The following WDR70 variants were observed in gnomAD, a reference collection of about 807,000 sequenced individuals.
WDR70 encodes the protein WD repeat domain 70.
WDR70 carries 53 observed loss-of-function variants against 88.6 expected under a neutral mutation model. The ratio of observed to expected loss-of-function variants is 0.60; its 90% CI spans 0.48 to 0.75. The LOEUF is 0.75. Among genes scored for constraint, WDR70 ranks in the 30% least tolerant of loss-of-function variants. The pLI is 0.00. For synonymous variants in WDR70, 280 were observed against 270.0 expected, an observed-to-expected ratio of 1.04 and a Z score of -0.36; for missense variants, 610 against 823.2, an observed-to-expected ratio of 0.74 and a Z score of 3.17.
At chr5:37,646,801 G>A (rs1007269515) in intron 10 of WDR70, among the ~76,000 whole-genome samples, 68 of 151,874 alleles carry the variant, frequency 4.5e-4, no homozygotes, top group African/African-American at 1.5e-3. Context: ...CTCTTTATCC[G>A]TGACCTTTGG....
intron 17 of WDR70, among the ~76,000 whole-genome samples, chr5:37,740,672 G>T (rs1748447481): frequency 6.6e-6 from 1 of 152,266 alleles, no homozygotes; most frequent in Middle Eastern, 3.4e-3. Flanking sequence ...TTAAGGATGG[G>T]CCTGAGAGTG....
At chr5:37,408,149 A>T (rs1296852884) in intron 5 of WDR70, among the ~76,000 whole-genome samples, 1 of 152,078 alleles carries the variant, frequency 6.6e-6, no homozygotes, top group Non-Finnish European at 1.5e-5. Context: ...AGCTGTAGCC[A>T]TTAATTTTGC....
chr5:37,685,995 C>A (rs1746580783), intron 10 of WDR70, among the ~76,000 whole-genome samples: 1 of 152,170 alleles, frequency 6.6e-6, no homozygotes. Flanking sequence ...CATCCTGGTT[C>A]CTTGGTGGCA....
intron 9 of WDR70, among the ~76,000 whole-genome samples, chr5:37,597,920 G>T (rs1203152560): frequency 6.6e-6 from 1 of 152,182 alleles, no homozygotes; most frequent in East Asian, 1.9e-4. Context: ...TACGCAGGGT[G>T]GTAGACATTG....
At chr5:37,570,372 A>G (rs1403471296) in intron 9 of WDR70, among the ~76,000 whole-genome samples, 2 of 152,168 alleles carry the variant, frequency 1.3e-5, no homozygotes, top group Non-Finnish European at 1.5e-5. Context: ...TTTGAAGTAT[A>G]TGAGAAACTT....
Position 37,470,706 on chromosome 5 carries a change from C to G in WDR70, c.687-9128C>G, listed in dbSNP as rs983008372. 1.1e-4 allele frequency among the ~76,000 whole-genome samples: 17 copies of G among 152,166 alleles called. 1 individual carries two copies. In the South Asian group the frequency reaches 3.5e-3, roughly 32 times the overall value. ...GTGCTACTGTATGAATATATATCTA[C>G]TTAGCTATTTTCTGCCTGTGGACAT... On this transcript the variant is annotated intron_variant, in intron 7 of 17. Transcript: ENST00000265107.
intron 9 of WDR70, among the ~76,000 whole-genome samples, chr5:37,601,295 T>C (rs1173290887): frequency 6.6e-6 from 1 of 152,242 alleles, no homozygotes; most frequent in Non-Finnish European, 1.5e-5. Flanking sequence ...TGGTTTCTGT[T>C]CTTAATTTTG....
At chr5:37,583,891 G>T (rs894317321) in intron 9 of WDR70, among the ~76,000 whole-genome samples, 4 of 152,096 alleles carry the variant, frequency 2.6e-5, no homozygotes, top group Non-Finnish European at 5.9e-5. Context: ...TGGAAAATTT[G>T]CAGTATTCTT....
Position 37,452,685 on chromosome 5 carries a change from A to G in WDR70, c.686+9313A>G, listed in dbSNP as rs536612054. Among the ~76,000 whole-genome samples the G allele has an allele frequency of 4.6e-5, 7 of 152,348 alleles. No individual in the cohort carries two copies. In the East Asian group the frequency reaches 9.6e-4, roughly 21 times the overall value. The stretch of plus-strand genomic sequence containing the variant: ...TGTCACTGATCTGTATTATTCCTAT[A>G]TTATCCACAAAGATAACTTGAGGGA... On this transcript the variant is annotated intron_variant, in intron 7 of 17. Transcript: ENST00000265107.
intron 2 of WDR70, among the ~76,000 whole-genome samples, chr5:37,380,651 CT>C (rs551617102): frequency 6.6e-6 from 1 of 151,578 alleles, no homozygotes; most frequent in African/African-American, 2.4e-5. Flanking sequence ...CTTTTCTATT[CT>C]TTTTTTATTT....
At chr5:37,650,978 T>TA (rs1745392746) in intron 10 of WDR70, among the ~76,000 whole-genome samples, 3 of 151,868 alleles carry the variant, frequency 2.0e-5, no homozygotes, top group East Asian at 1.9e-4. Context: ...TTTTTTTTTT[T>TA]ATACTTTAAG....
chr5:37,600,630 C>CA (rs1413020872), intron 9 of WDR70, among the ~76,000 whole-genome samples: 7 of 151,546 alleles, frequency 4.6e-5, no homozygotes, highest in Non-Finnish European at 1.0e-4. Context: ...GAAAGATATG[C>CA]AAATGCCCAA....
At chr5:37,546,646 C>T (rs1221512070) in intron 9 of WDR70, among the ~76,000 whole-genome samples, 3 of 152,146 alleles carry the variant, frequency 2.0e-5, no homozygotes, top group African/African-American at 4.8e-5. Context: ...AGACCAGATG[C>T]GGTGGCTCAC....
intron 7 of WDR70, among the ~76,000 whole-genome samples, chr5:37,477,998 T>G (rs1739539641): frequency 6.6e-6 from 1 of 152,234 alleles, no homozygotes; most frequent in Non-Finnish European, 1.5e-5. Context: ...TAGTTGGATG[T>G]GACTGTCAGC....
chr5:37,519,592 T>C (rs1741019527), intron 9 of WDR70, among the ~76,000 whole-genome samples: 1 of 126,258 alleles, frequency 7.9e-6, no homozygotes, highest in Non-Finnish European at 1.6e-5. Flanking sequence ...GCAGAGGCGC[T>C]CCTCACCTCC....
chr5:37,634,019 G>T (rs948501058), intron 10 of WDR70, among the ~76,000 whole-genome samples: 1 of 151,720 alleles, frequency 6.6e-6, no homozygotes, highest in East Asian at 1.9e-4. Flanking sequence ...AGTACATATG[G>T]CCAGGTGTGG....
intron 5 of WDR70, among the ~76,000 whole-genome samples, chr5:37,399,793 T>G (rs1749140253): frequency 6.6e-6 from 1 of 152,162 alleles, no homozygotes; most frequent in African/African-American, 2.4e-5. Context: ...GAAATGAGCT[T>G]GAATGATTCT....
intron 17 of WDR70, among the ~76,000 whole-genome samples, chr5:37,745,022 A>G (rs1347882255): frequency 6.6e-6 from 1 of 152,184 alleles, no homozygotes; most frequent in Non-Finnish European, 1.5e-5. Context: ...GCAGCCAGAG[A>G]GAAAGGCCAG....
chr5:37,415,718 GCGGCTGC>G (rs1749711868), intron 5 of WDR70, among the ~76,000 whole-genome samples: 1 of 150,610 alleles, frequency 6.6e-6, no homozygotes, highest in African/African-American at 2.4e-5. Context: ...CTCAGACGGG[GCGGCTGC>G]CAGGTGGAGG....
Sources: gnomAD v4.1 joint callset for allele counts (sites outside exome capture counted in the v4.1 genomes callset) on GRCh38, gnomAD v4.1.1 for gene constraint, MANE v1.5 for transcripts, NCBI Gene and HGNC (gene_info 2026-07-23, HGNC 2026-07-21) for gene names.